KAZN: variants seen among roughly 807,000 people sequenced by gnomAD.
KAZN encodes the protein kazrin.
In KAZN, 40 loss-of-function variants were observed where a neutral mutation model predicts 87.4. The ratio of observed to expected loss-of-function variants is 0.46; its 90% CI spans 0.36 to 0.60. The LOEUF (loss-of-function observed/expected upper bound fraction) is 0.60, where lower values mean the gene tolerates loss of function less well. Ranked by LOEUF, KAZN falls within the 20% of genes least tolerant of loss-of-function variation. The pLI, the probability that KAZN is intolerant of heterozygous loss-of-function variation, is 0.00. For synonymous variants in KAZN, 466 were observed against 458.3 expected, an observed-to-expected ratio of 1.02 and a Z score of -0.22; for missense variants, 898 against 1,073.9, an observed-to-expected ratio of 0.84 and a Z score of 2.29.
chr1:14,331,370 G>A (rs963200904), intron 2 of KAZN, among the ~76,000 whole-genome samples: 1 of 152,140 alleles, frequency 6.6e-6, no homozygotes, highest in African/African-American at 2.4e-5. Context: ...AGAGCAGTGG[G>A]CTCTATCCTC....
intron 13 of KAZN, among the ~76,000 whole-genome samples, chr1:15,105,140 T>G (rs1396105490): frequency 6.6e-6 from 1 of 152,246 alleles, no homozygotes; most frequent in Non-Finnish European, 1.5e-5. Flanking sequence ...TGTGATGTTT[T>G]TGTCTGATTT....
chr1:14,129,864 C>A (rs1644955259), intron 1 of KAZN, among the ~76,000 whole-genome samples: 1 of 152,182 alleles, frequency 6.6e-6, no homozygotes, highest in South Asian at 2.1e-4. Context: ...TAAAGGAAAT[C>A]ATTTCACGAT....
At chr1:14,267,757 C>T (rs1463239727) in intron 2 of KAZN, among the ~76,000 whole-genome samples, 6 of 152,184 alleles carry the variant, frequency 3.9e-5, no homozygotes, top group Non-Finnish European at 7.3e-5. Flanking sequence ...CACTTGATGT[C>T]AGGACTAGCC....
chr1:14,943,086 A>C (rs1354641927), intron 1 of KAZN, among the ~76,000 whole-genome samples: 1 of 82,400 alleles, frequency 1.2e-5, no homozygotes, highest in Non-Finnish European at 2.5e-5. Context: ...TTTTTTTTTT[A>C]ATTTACATTT....
At chr1:14,367,961 G>C (rs1250222384) in intron 2 of KAZN, among the ~76,000 whole-genome samples, 1 of 152,186 alleles carries the variant, frequency 6.6e-6, no homozygotes, top group African/African-American at 2.4e-5. Flanking sequence ...AATGTAAGAA[G>C]CCTGAAAGGA....
intron 4 of KAZN, among the ~76,000 whole-genome samples, chr1:15,048,536 C>G (rs1275492506): frequency 6.6e-6 from 1 of 152,202 alleles, no homozygotes; most frequent in Non-Finnish European, 1.5e-5. Context: ...ATGGCCAGAG[C>G]CAGCGTTGAT....
chr1:14,349,686 T>G (rs773341967), intron 2 of KAZN, among the ~76,000 whole-genome samples: 9 of 152,090 alleles, frequency 5.9e-5, no homozygotes, highest in Admixed American at 5.9e-4. Context: ...AGCCCTACAG[T>G]GAAAATGAGC....
At chr1:14,848,700 G>T (rs1050310300) in intron 1 of KAZN, among the ~76,000 whole-genome samples, 1 of 152,122 alleles carries the variant, frequency 6.6e-6, no homozygotes, top group Non-Finnish European at 1.5e-5. Flanking sequence ...GCAGCTGCCC[G>T]CTCTCCCCGT....
intron 2 of KAZN, among the ~76,000 whole-genome samples, chr1:14,389,785 T>C (rs151023998): frequency 9.5e-4 from 144 of 151,380 alleles, no homozygotes; most frequent in African/African-American, 3.4e-3. Flanking sequence ...AAAGGGTGAG[T>C]AAGATCTAGC....
intron 1 of KAZN, among the ~76,000 whole-genome samples, chr1:14,784,091 T>C (rs1481318733): frequency 1.3e-5 from 2 of 152,132 alleles, no homozygotes; most frequent in Non-Finnish European, 2.9e-5. Flanking sequence ...GAGGCAGGTC[T>C]GGAACGCACA....
intron 2 of KAZN, among the ~76,000 whole-genome samples, chr1:14,213,118 T>C (rs987995826): frequency 1.3e-5 from 2 of 152,226 alleles, no homozygotes; most frequent in Non-Finnish European, 2.9e-5. Flanking sequence ...AAATTTTCTG[T>C]ATTTATTTAA....
rs76654904 is a variant in KAZN at position 15,028,064 on chromosome 1, C to G, written c.419-6685C>G. Reference sequence around the variant, plus strand: ...GATTCAGCTTTTGTGTTGTCTCGGTCTTTCGCCTGGGAGGGCCCAGCTCAG... The same window carrying G: ...GATTCAGCTTTTGTGTTGTCTCGGTGTTTCGCCTGGGAGGGCCCAGCTCAG... On this transcript the variant is annotated intron_variant, in intron 2 of 14. Coordinates refer to ENST00000376030, the MANE Select transcript of KAZN (RefSeq NM_201628.3). Among the ~76,000 whole-genome samples the G allele has an allele frequency of 4.1e-3, 620 of 151,532 alleles. 4 individuals are homozygous for G. Among genetic ancestry groups the G allele is most frequent in the African/African-American group, 0.014 (576 of 41,230 alleles).
chr1:14,550,450 G>A (rs1053680177), intron 2 of KAZN, among the ~76,000 whole-genome samples: 6 of 152,094 alleles, frequency 3.9e-5, no homozygotes, highest in Non-Finnish European at 7.4e-5. Context: ...GCAAATGCAG[G>A]CTGGAAAAAT....
intron 1 of KAZN, among the ~76,000 whole-genome samples, chr1:13,996,466 A>G (rs928488390): frequency 6.6e-6 from 1 of 152,128 alleles, no homozygotes; most frequent in Non-Finnish European, 1.5e-5. Context: ...GAAGGGCAGC[A>G]TTCATCTCTA....
Position 14,466,770 on chromosome 1 carries a change from C to T in KAZN, c.250-132213C>T, listed in dbSNP as rs545619405. ...GATCACGAAGTCAGGAGATGGAGAC[C>T]ATCCTGGCTAACACGGTGAAACCCT... On this transcript the variant is annotated intron_variant, in intron 2 of 16. Transcript: ENST00000636203. 4.9e-4 allele frequency among the ~76,000 whole-genome samples: 75 copies of T among 151,994 alleles called. 1 individual carries two copies. In the Middle Eastern group the frequency reaches 0.01, roughly 21 times the overall value.
chr1:14,712,754 C>A (rs190477087), intron 1 of KAZN, among the ~76,000 whole-genome samples: 1 of 152,176 alleles, frequency 6.6e-6, no homozygotes, highest in Admixed American at 6.5e-5. Flanking sequence ...GGGCAGAAAC[C>A]GCTCAGACCT....
chr1:14,529,226 C>A (rs147944368), intron 2 of KAZN, among the ~76,000 whole-genome samples: 2,938 of 152,266 alleles, frequency 0.019, 36 homozygotes, highest in Non-Finnish European at 0.029. Flanking sequence ...ATCGCTTGAA[C>A]CTGGGAGGCA....
chr1:15,094,381 G>T lies in KAZN; in HGVS notation c.1424G>T (p.Gly475Val). The T allele has an allele frequency of 6.2e-7, 1 of 1,611,476 alleles. No homozygotes were observed. ...GCCTGCACGGAGAACGTGAAGAGCG[G>T]GAAGGTAGGCAACTCCGGGCCCCCT... ...VKACTENVKS[G>V]KVLLSLSDED... is the part of the protein sequence containing the mutation. Residue 475 changes from glycine (G) to valine (V), a missense_variant, in exon 9 of 15, where the codon GGG (glycine) becomes GTG (valine). By Grantham distance (109) the Gly-to-Val change is moderately radical (BLOSUM62 -3). Coordinates refer to ENST00000376030, the MANE Select transcript of KAZN (RefSeq NM_201628.3). This position sits in a 1 kb window ranked among gnomAD's most constrained non-coding sequence, Gnocchi z 4.5.
intron 1 of KAZN, among the ~76,000 whole-genome samples, chr1:14,807,282 G>A (rs1222448077): frequency 6.6e-6 from 1 of 152,160 alleles, no homozygotes; most frequent in Non-Finnish European, 1.5e-5. Context: ...GCCACCTTGG[G>A]GGCCCAGTTC....
Sources: allele counts gnomAD v4.1 joint callset (sites outside exome capture counted in the v4.1 genomes callset), GRCh38; gene constraint gnomAD v4.1.1; non-coding constraint Gnocchi (gnomAD v3.1); transcripts MANE v1.5; gene names NCBI Gene and HGNC (gene_info 2026-07-23, HGNC 2026-07-21).